Variants in PRKAR1B observed in about 807,000 individuals in gnomAD.
PRKAR1B encodes cAMP-dependent protein kinase type I-beta regulatory subunit.
PRKAR1B carries 22 observed loss-of-function variants against 46.5 expected under a neutral mutation model. The observed-to-expected ratio is 0.47, with a 90% CI of 0.34 to 0.68. The LOEUF is 0.68. Ranked by LOEUF, PRKAR1B falls within the 30% of genes least tolerant of loss-of-function variation. The pLI is 0.01. For synonymous variants in PRKAR1B, 259 were observed against 217.7 expected, an observed-to-expected ratio of 1.19 and a Z score of -1.67; for missense variants, 445 against 535.6, an observed-to-expected ratio of 0.83 and a Z score of 1.67.
rs1355467638 is a variant in PRKAR1B at position 606,190 on chromosome 7, C to T, written c.549+3G>A. ...TTTCCAAAGACAAGTTAGCGACACT[C>T]ACATCCACTTCCCCTTGATCAACGA... On this transcript the variant is annotated splice_donor_region_variant and intron_variant, in intron 6 of 10. Transcript: ENST00000537384. 3.1e-6 allele frequency: 5 copies of T among 1,613,956 alleles called. No individual in the cohort carries two copies. The highest frequency in any genetic ancestry group is 1.1e-5 in the South Asian group (1 of 91,034).
At chr7:626,671 CAAATT>C (rs1377990064) in intron 4 of PRKAR1B, among the ~76,000 whole-genome samples, 1 of 148,172 alleles carries the variant, frequency 6.7e-6, no homozygotes, top group Non-Finnish European at 1.5e-5. Context: ...AACACGAAAA[CAAATT>C]AATCTGATCT....
Position 677,261 on chromosome 7 carries a change from C to T in PRKAR1B, c.408G>A (p.Val136=). 6.2e-7 allele frequency: 1 copy of T among 1,614,250 alleles called. No individual in the cohort carries two copies. The highest frequency in any genetic ancestry group is 8.5e-7 in the Non-Finnish European group (1 of 1,180,046). Residue 136 remains valine, a synonymous_variant, in exon 4 of 11, where the codon GTG becomes GTA. Coordinates refer to ENST00000537384, the MANE Select transcript of PRKAR1B (RefSeq NM_001164760.2). Reference sequence around the variant, plus strand: ...CGTTGTCATCCAGGTGAGCGAAGAGCACGTTCTTGGAGATGGCCTTGGCCA... The same window carrying T: ...CGTTGTCATCCAGGTGAGCGAAGAGTACGTTCTTGGAGATGGCCTTGGCCA... ...TALAKAISKN[V]LFAHLDDNER...
chr7:689,904 A>G (rs1021075131), intron 2 of PRKAR1B, among the ~76,000 whole-genome samples: 1 of 151,738 alleles, frequency 6.6e-6, no homozygotes, highest in Non-Finnish European at 1.5e-5. Context: ...GATGGTCTCA[A>G]TCTCCTGACC....
chr7:591,739 C>T (rs1288435109), intron 7 of PRKAR1B, among the ~76,000 whole-genome samples: 3 of 152,196 alleles, frequency 2.0e-5, no homozygotes, highest in African/African-American at 7.2e-5. Context: ...CTTCTCCAGC[C>T]TGGAGACGCA....
Position 553,483 on chromosome 7 carries a change from G to T in PRKAR1B, c.892-2013C>A, listed in dbSNP as rs758129199. ...CCATTTTACAGCCGGGGAAGCTGAGGCCCAGGAAGGTGGCAGCACCTGCAG... is the reference window on the plus strand; with the variant it reads ...CCATTTTACAGCCGGGGAAGCTGAGTCCCAGGAAGGTGGCAGCACCTGCAG... On this transcript the variant is annotated intron_variant, in intron 9 of 10. Transcript: ENST00000537384. Among the ~76,000 whole-genome samples the T allele has an allele frequency of 3.9e-5, 6 of 152,180 alleles. No individual in the cohort carries two copies. The East Asian group carries it at 1.2e-3, about 29-fold the overall frequency.
At position 646,050 on chromosome 7, in the gene PRKAR1B, AT is replaced by A. The variant is rs547981667; in HGVS notation, c.440+31178del. On this transcript the variant is annotated intron_variant, in intron 4 of 10. Transcript: ENST00000537384. ...TGCTCAGTAACCCCAACTGCACGCT[AT>A]TTTTTTTTTTAAGAGGCAGAGTCTT... 3.5e-3 allele frequency among the ~76,000 whole-genome samples: 509 copies of A among 147,150 alleles called. 6 individuals are homozygous for A. Among genetic ancestry groups the A allele is most frequent in the African/African-American group, 0.011 (458 of 40,422 alleles).
chr7:690,095 G>T (rs1446265887), intron 2 of PRKAR1B, among the ~76,000 whole-genome samples: 1 of 151,784 alleles, frequency 6.6e-6, no homozygotes, highest in South Asian at 2.1e-4. Flanking sequence ...CCAGGAGTTC[G>T]AGACCACCCT....
chr7:576,992 G>A (rs570707680), intron 9 of PRKAR1B, among the ~76,000 whole-genome samples: 22 of 150,888 alleles, frequency 1.5e-4, no homozygotes, highest in Middle Eastern at 7.1e-3. Flanking sequence ...CGCCATCAGC[G>A]GCCTCATCCA....
Position 710,521 on chromosome 7 carries a change from C to T in PRKAR1B, c.177+808G>A, listed in dbSNP as rs997511197. ...TCCCGGAGAGAAGACCGTGAGCAGGCCTGAGCTTCTCCCCGACCACACGTG... is the reference window on the plus strand; with the variant it reads ...TCCCGGAGAGAAGACCGTGAGCAGGTCTGAGCTTCTCCCCGACCACACGTG... On this transcript the variant is annotated intron_variant, in intron 2 of 10. Coordinates refer to ENST00000537384, the MANE Select transcript of PRKAR1B (RefSeq NM_001164760.2). Among the ~76,000 whole-genome samples, 4 of 152,152 alleles carry T rather than the reference C, an allele frequency of 2.6e-5. No homozygotes were observed. In the South Asian group the frequency reaches 8.3e-4, roughly 31 times the overall value.
Position 637,562 on chromosome 7 carries a change from G to A in PRKAR1B, c.441-30110C>T, listed in dbSNP as rs147124426. ...CAAGAGCAAATAATGGGCCGGGTGC[G>A]GTGGCTCACGCCTGTGATCCCAGCA... is the stretch of plus-strand genomic sequence containing the variant. On this transcript the variant is annotated intron_variant, in intron 4 of 10. Coordinates refer to ENST00000537384, the MANE Select transcript of PRKAR1B (RefSeq NM_001164760.2). Among the ~76,000 whole-genome samples, 1,203 of 152,256 alleles carry A rather than the reference G, an allele frequency of 7.9e-3. 13 individuals carry two copies. Among genetic ancestry groups the A allele is most frequent in the Non-Finnish European group, 0.012 (794 of 68,028 alleles).
intron 9 of PRKAR1B, among the ~76,000 whole-genome samples, chr7:571,852 G>A (rs922811514): frequency 2.0e-5 from 3 of 152,220 alleles, no homozygotes; most frequent in African/African-American, 7.2e-5. Flanking sequence ...TGAGGTGACG[G>A]AACAGCTGGA....
chr7:656,760 A>T (rs1370203368), intron 4 of PRKAR1B, among the ~76,000 whole-genome samples: 1 of 152,106 alleles, frequency 6.6e-6, no homozygotes, highest in African/African-American at 2.4e-5. Context: ...TGAATGAATG[A>T]ATGGATAAAT....
chr7:643,505 C>T (rs1266825923), intron 4 of PRKAR1B, among the ~76,000 whole-genome samples: 1 of 151,236 alleles, frequency 6.6e-6, no homozygotes, highest in African/African-American at 2.5e-5. Context: ...GGCAGATCAC[C>T]AGAGGTTGGG....
chr7:621,926 C>T (rs889452618), intron 4 of PRKAR1B, among the ~76,000 whole-genome samples: 1 of 152,248 alleles, frequency 6.6e-6, no homozygotes, highest in Non-Finnish European at 1.5e-5. Flanking sequence ...AAACCCCATG[C>T]AGCCGCTCCC....
rs1217571818 is a variant in PRKAR1B, at chr7:567,521, CATCACCATCATCACT to C, written c.891+11720_891+11734del. On this transcript the variant is annotated intron_variant, in intron 9 of 10. Coordinates refer to ENST00000537384, the MANE Select transcript of PRKAR1B (RefSeq NM_001164760.2). ...CCATCATCACCATCACCTTCATCAC[CATCACCATCATCACT>C]ATCACCATCATCATCACCATCACCT... Among the ~76,000 whole-genome samples, 58 of 150,236 alleles carry C rather than the reference CATCACCATCATCACT, an allele frequency of 3.9e-4. No individual in the cohort carries two copies. The East Asian group carries it at 5.7e-3, about 15-fold the overall frequency.
intron 4 of PRKAR1B, among the ~76,000 whole-genome samples, chr7:660,225 T>G (rs1785433010): frequency 6.6e-6 from 1 of 151,798 alleles, no homozygotes; most frequent in Non-Finnish European, 1.5e-5. Context: ...TGGCATCACC[T>G]CCCTGCTCAG....
At chr7:610,081 C>T (rs771428518) in intron 4 of PRKAR1B, among the ~76,000 whole-genome samples, 124 of 152,190 alleles carry the variant, frequency 8.1e-4, no homozygotes, top group Non-Finnish European at 1.6e-3. Flanking sequence ...CGCTCCTTCA[C>T]CTGTTCCTGC....
At chr7:697,458 A>G (rs80312025) in intron 2 of PRKAR1B, among the ~76,000 whole-genome samples, 5,102 of 152,222 alleles carry the variant, frequency 0.034, 321 homozygotes, top group African/African-American at 0.12. Flanking sequence ...TGATGCCTTC[A>G]ACGGAGGGCG....
intron 4 of PRKAR1B, among the ~76,000 whole-genome samples, chr7:670,589 C>T (rs747234320): frequency 4.7e-5 from 7 of 149,166 alleles, no homozygotes; most frequent in Non-Finnish European, 8.9e-5. Flanking sequence ...CGAGCTCCCC[C>T]ATGCCACAGC....
Sources: allele counts gnomAD v4.1 joint callset (sites outside exome capture counted in the v4.1 genomes callset), GRCh38; gene constraint gnomAD v4.1.1; transcripts MANE v1.5; gene names NCBI Gene and HGNC (gene_info 2026-07-23, HGNC 2026-07-21).